The following SLC8A1 variants were observed in gnomAD, a reference collection of about 807,000 sequenced individuals.
The protein encoded by SLC8A1 is sodium/calcium exchanger 1.
SLC8A1 carries 18 observed loss-of-function variants against 68.3 expected under a neutral mutation model. The ratio of observed to expected loss-of-function variants is 0.26; its 90% CI spans 0.18 to 0.39. SLC8A1 has a LOEUF of 0.39. Ranked by LOEUF, SLC8A1 falls within the 10% of genes least tolerant of loss-of-function variation. The probability of loss-of-function intolerance (pLI) is 1.00; values close to 1 mark genes in which losing one functional copy is unlikely to be tolerated. For synonymous variants in SLC8A1, 475 were observed against 415.5 expected, an observed-to-expected ratio of 1.14 and a Z score of -1.74; for missense variants, 985 against 1,156.7, an observed-to-expected ratio of 0.85 and a Z score of 2.15.
chr2:40,303,472 G>A (rs948054870), intron 2 of SLC8A1, among the ~76,000 whole-genome samples: 1 of 152,182 alleles, frequency 6.6e-6, no homozygotes, highest in Admixed American at 6.5e-5. Context: ...GTTCTGGCAA[G>A]TACAGCCCAT....
intron 2 of SLC8A1, among the ~76,000 whole-genome samples, chr2:40,419,666 G>A (rs1694925907): frequency 6.6e-6 from 1 of 152,106 alleles, no homozygotes; most frequent in African/African-American, 2.4e-5. Context: ...GATTGTAATG[G>A]TTAGTGTGCA....
rs111567301 is a variant in SLC8A1, at chr2:40,478,860, C to T, written c.-25+33489G>A. Among the ~76,000 whole-genome samples, 931 of 152,040 alleles carry T rather than the reference C, an allele frequency of 6.1e-3. 13 individuals are homozygous for T. The highest frequency in any genetic ancestry group is 0.059 in the South Asian group (286 of 4,818). ...AGTCCCAGCTCACTGCAACCTCCGCCTCCTGGGTTCAAGCAATTCTCATGC... is the reference window on the plus strand; with the variant it reads ...AGTCCCAGCTCACTGCAACCTCCGCTTCCTGGGTTCAAGCAATTCTCATGC... On this transcript the variant is annotated intron_variant, in intron 1 of 7. Transcript: ENST00000402441.
intron 4 of SLC8A1, among the ~76,000 whole-genome samples, chr2:40,168,938 C>T (rs404005): frequency 0.59 from 89,258 of 152,110 alleles, 27,260 homozygotes; most frequent in Middle Eastern, 0.76. Flanking sequence ...ACAGCCACTG[C>T]TAAAATCAAT....
At chr2:40,466,383 C>T (rs1703673609) in intron 1 of SLC8A1, among the ~76,000 whole-genome samples, 1 of 152,190 alleles carries the variant, frequency 6.6e-6, no homozygotes, top group South Asian at 2.1e-4. Flanking sequence ...AGCAAAGAAG[C>T]TTCACAGGGG....
chr2:40,098,745 G>A (rs756764112), exon 8 of SLC8A1: 21 of 151,910 alleles, frequency 1.4e-4, no homozygotes, highest in Non-Finnish European at 2.8e-4. Context: ...AGGCTTCTGT[G>A]TACTACATTG....
chr2:40,509,163 T>A (rs551904717), intron 1 of SLC8A1, among the ~76,000 whole-genome samples: 2 of 152,296 alleles, frequency 1.3e-5, no homozygotes, highest in African/African-American at 4.8e-5. Flanking sequence ...GAAAACGTCA[T>A]GTAACTTTAA....
At chr2:40,415,331 G>C (rs1196019271) in intron 2 of SLC8A1, among the ~76,000 whole-genome samples, 2 of 151,658 alleles carry the variant, frequency 1.3e-5, no homozygotes, top group Non-Finnish European at 2.9e-5. Flanking sequence ...TGCTGCAGAG[G>C]CAACACTTTG....
At chr2:40,344,286 T>C (rs10490051) in intron 2 of SLC8A1, among the ~76,000 whole-genome samples, 44,257 of 152,056 alleles carry the variant, frequency 0.29, 7,182 homozygotes, top group East Asian at 0.64. Context: ...TCATGCACTA[T>C]TTGCCTGGGA....
At chr2:40,392,354 G>A (rs1310226975) in intron 2 of SLC8A1, among the ~76,000 whole-genome samples, 1 of 151,982 alleles carries the variant, frequency 6.6e-6, no homozygotes, top group African/African-American at 2.4e-5. Flanking sequence ...GTTCCCACTA[G>A]GCATTACTCA....
chr2:40,371,742 A>T (rs987066103), intron 2 of SLC8A1, among the ~76,000 whole-genome samples: 1 of 152,058 alleles, frequency 6.6e-6, no homozygotes, highest in South Asian at 2.1e-4. Flanking sequence ...GGATGTGCAA[A>T]ATTGTCTCCC....
At chr2:40,332,257 T>C (rs2076491628) in intron 2 of SLC8A1, among the ~76,000 whole-genome samples, 2 of 152,162 alleles carry the variant, frequency 1.3e-5, no homozygotes, top group Admixed American at 1.3e-4. Context: ...CCACATGCAA[T>C]TGGCTGTTTA....
chr2:40,198,746 C>G (rs1167068901), intron 2 of SLC8A1, among the ~76,000 whole-genome samples: 9 of 151,972 alleles, frequency 5.9e-5, no homozygotes, highest in South Asian at 4.1e-4. Context: ...TAGGTTCCCT[C>G]TTTAAGGCAC....
At chr2:40,308,400 G>C (rs1390508779) in intron 2 of SLC8A1, among the ~76,000 whole-genome samples, 1 of 152,076 alleles carries the variant, frequency 6.6e-6, no homozygotes, top group Non-Finnish European at 1.5e-5. Context: ...TGATTCGAGG[G>C]ACAGCAAAGG....
intron 2 of SLC8A1, among the ~76,000 whole-genome samples, chr2:40,215,861 A>T (rs2057390393): frequency 6.6e-6 from 1 of 151,920 alleles, no homozygotes; most frequent in African/African-American, 2.4e-5. Flanking sequence ...TATTCCAATC[A>T]TTCCATAGTT....
At chr2:40,454,573 T>TA (rs1173487900), upstream of SLC8A1, among the ~76,000 whole-genome samples, 2 of 152,048 alleles carry the variant, frequency 1.3e-5, no homozygotes, top group African/African-American at 4.8e-5. Context: ...AAACTGCTTT[T>TA]AGACTGATTT....
intron 1 of SLC8A1, among the ~76,000 whole-genome samples, chr2:40,457,339 C>T (rs1427707257): frequency 6.6e-6 from 1 of 152,180 alleles, no homozygotes; most frequent in East Asian, 1.9e-4. Flanking sequence ...TGCGAGATTA[C>T]ACTTCAGCCT....
At chr2:40,214,354 C>A (rs1189841642) in intron 2 of SLC8A1, among the ~76,000 whole-genome samples, 3 of 152,116 alleles carry the variant, frequency 2.0e-5, no homozygotes, top group African/African-American at 7.2e-5. Flanking sequence ...CGCAACTCTC[C>A]CCAAATATAT....
chr2:40,411,647 A>C lies in SLC8A1; in HGVS notation c.1808+16826T>G, dbSNP rs559772526. 2.6e-5 allele frequency among the ~76,000 whole-genome samples: 4 copies of C among 152,208 alleles called. No homozygotes were observed. The South Asian group carries it at 8.3e-4, about 32-fold the overall frequency. On this transcript the variant is annotated intron_variant, in intron 2 of 7. Coordinates refer to ENST00000406785, the Ensembl canonical transcript of SLC8A1. The stretch of plus-strand genomic sequence containing the variant: ...AAAACAAACAATAGGGGCCTCATTA[A>C]ATAAATTGTATTCATTTAATGAAAT...
At position 40,404,640 on chromosome 2, in the gene SLC8A1, T is replaced by C. The variant is rs1402233517; in HGVS notation, c.1808+23833A>G. On this transcript the variant is annotated intron_variant, in intron 2 of 7. Transcript: ENST00000406785. Reference sequence around the variant, plus strand: ...GAGAGAATATGGGCTCTAAAGACCATTGGTCTGACTTAGGGTGCCATTTCT... The same window carrying C: ...GAGAGAATATGGGCTCTAAAGACCACTGGTCTGACTTAGGGTGCCATTTCT... Among the ~76,000 whole-genome samples, 4 of 152,330 alleles carry C rather than the reference T, an allele frequency of 2.6e-5. No individual in the cohort carries two copies. The East Asian group carries it at 5.8e-4, about 22-fold the overall frequency.
Sources: gnomAD v4.1 joint callset for allele counts (sites outside exome capture counted in the v4.1 genomes callset) on GRCh38, gnomAD v4.1.1 for gene constraint, MANE v1.5 for transcripts, NCBI Gene and HGNC (gene_info 2026-07-23, HGNC 2026-07-21) for gene names.